L3MBTL3: variants seen among roughly 807,000 people sequenced by gnomAD.
The protein encoded by L3MBTL3 is lethal(3)malignant brain tumor-like protein 3.
A neutral mutation model predicts 102.3 loss-of-function variants in L3MBTL3; 27 were observed. The ratio of observed to expected loss-of-function variants is 0.26; its 90% CI spans 0.19 to 0.36. The LOEUF (loss-of-function observed/expected upper bound fraction) is 0.36. L3MBTL3 is among the 10% of genes least tolerant of loss of function. The probability of loss-of-function intolerance (pLI) is 1.00; values close to 1 mark genes in which losing one functional copy is unlikely to be tolerated. For synonymous variants in L3MBTL3, 340 were observed against 320.9 expected (o/e 1.06, Z -0.64); for missense variants, 798 against 955.3 (o/e 0.84, Z 2.17).
rs112578313 is a variant in L3MBTL3, at chr6:130,052,826, C to T, written c.450-33C>T. 166 of 1,599,766 alleles carry T rather than the reference C, an allele frequency of 1.0e-4. 1 individual carries two copies. The African/African-American group carries it at 1.3e-3, about 12-fold the overall frequency. On this transcript the variant is annotated intron_variant, in intron 6 of 22. Coordinates refer to ENST00000361794, the MANE Select transcript of L3MBTL3 (RefSeq NM_032438.4). ...AGTAGATGTTTGATAGGTATTGTCT[C>T]TTGTCACTATTTTGGGTTTATAAAC...
At chr6:130,018,856 C>T (rs1778732259) in intron 1 of L3MBTL3, among the ~76,000 whole-genome samples, 192 bp downstream of exon 1, 1 of 152,056 alleles carries the variant, frequency 6.6e-6, no homozygotes. Flanking sequence ...TTCTCTGCGC[C>T]TCTGGGAAAG....
chr6:130,108,326 C>T (rs1323383023), intron 19 of L3MBTL3, among the ~76,000 whole-genome samples: 2 of 150,784 alleles, frequency 1.3e-5, no homozygotes, highest in African/African-American at 4.9e-5. Flanking sequence ...CCTCCGCCTC[C>T]CAGGTTCAAG....
intron 15 of L3MBTL3, among the ~76,000 whole-genome samples, chr6:130,084,721 A>C (rs748388629): frequency 1.3e-5 from 2 of 152,206 alleles, no homozygotes; most frequent in Non-Finnish European, 2.9e-5. Context: ...ATCAGCCTAC[A>C]TGTCTACTGT....
At chr6:130,117,462 G>A (rs984273471) in intron 19 of L3MBTL3, among the ~76,000 whole-genome samples, 1 of 152,088 alleles carries the variant, frequency 6.6e-6, no homozygotes, top group Non-Finnish European at 1.5e-5. Context: ...CTGCTCCAGA[G>A]TGTACTGTAA....
intron 2 of L3MBTL3, among the ~76,000 whole-genome samples, chr6:130,028,073 CTT>C (rs67901301): frequency 0.12 from 17,412 of 141,078 alleles, 1,253 homozygotes; most frequent in East Asian, 0.21. Context: ...TTCTGTGTAC[CTT>C]TTTTTTTTTT....
At position 130,068,419 on chromosome 6, in the gene L3MBTL3, A is replaced by G. The variant is rs1782410220; in HGVS notation, c.1090A>G (p.Ile364Val). 3.9e-6 allele frequency: 6 copies of G among 1,545,056 alleles called. No homozygotes were observed. The African/African-American group carries it at 5.4e-5, about 14-fold the overall frequency. The change falls in exon 12 of 23, where the codon ATA becomes GTA. Residue 364 changes from isoleucine (I) to valine (V), a missense_variant and splice_region_variant. This residue lies in a region of L3MBTL3 where 434 missense variants were observed against 506.6 expected (regional missense o/e 0.86). Coordinates refer to ENST00000361794, the MANE Select transcript of L3MBTL3 (RefSeq NM_032438.4). ...APKSLFENQN[I>V]TVIPSGFRVG... ...TAAGTCATTATTTGAAAATCAGAAT[A>G]TAGTAAGTACATACGAAACACGTTT... is the stretch of plus-strand genomic sequence containing the variant.
intron 2 of L3MBTL3, among the ~76,000 whole-genome samples, chr6:130,029,773 G>C (rs1054170234): frequency 9.9e-5 from 15 of 152,102 alleles, no homozygotes; most frequent in Admixed American, 9.2e-4. Flanking sequence ...CTGATAAACT[G>C]GTTCTTGGAG....
Position 130,135,007 on chromosome 6 carries a change from G to A in L3MBTL3, c.2199+1102G>A, listed in dbSNP as rs1459509896. On this transcript the variant is annotated intron_variant, in intron 22 of 22. Transcript: ENST00000361794. ...TTGATCTTTAATTGGCAGTTATTCA[G>A]ATTTTCTTTCCCTAAGTCCTGAGTG... Among the ~76,000 whole-genome samples, 5 of 144,072 alleles carry A rather than the reference G, an allele frequency of 3.5e-5. No homozygotes were observed. The East Asian group carries it at 7.9e-4, about 23-fold the overall frequency. The allele number at this position is 144,072 out of a possible 152,430, so 94.5% of individuals were successfully genotyped here.
intron 20 of L3MBTL3, among the ~76,000 whole-genome samples, chr6:130,131,576 A>G (rs1787044969): frequency 6.6e-6 from 1 of 152,222 alleles, no homozygotes; most frequent in African/African-American, 2.4e-5. Context: ...GTCTCGCGCA[A>G]GAAAGAATTT....
intron 19 of L3MBTL3, among the ~76,000 whole-genome samples, chr6:130,119,491 A>G (rs544375612): frequency 5.3e-5 from 8 of 152,306 alleles, no homozygotes; most frequent in African/African-American, 1.9e-4. Context: ...AATTTTTATC[A>G]ATACTTCAAC....
In L3MBTL3 at chr6:130,092,734, G is replaced by T; in HGVS notation, c.1519-11G>T. The T allele has an allele frequency of 6.5e-7, 1 of 1,548,382 alleles. No individual in the cohort carries two copies. Among genetic ancestry groups the T allele is most frequent in the Non-Finnish European group, 8.9e-7 (1 of 1,120,658 alleles). On this transcript the variant is annotated splice_polypyrimidine_tract_variant and intron_variant, in intron 16 of 22. Transcript: ENST00000361794. ...CTTAATTTGTACTGTTAATGTCCTT[G>T]TGTCATCCAGGTTCACTTTGATGGC...
intron 10 of L3MBTL3, among the ~76,000 whole-genome samples, chr6:130,064,739 C>T (rs745423970): frequency 1.4e-4 from 21 of 152,004 alleles, no homozygotes; most frequent in Non-Finnish European, 2.5e-4. Context: ...TTGAGAAGGA[C>T]GAGCTAGGTA....
At position 130,140,866 on chromosome 6, in the gene L3MBTL3, A is replaced by G. The variant is rs1346228821; in HGVS notation, c.*1113A>G. ...AGTTGACACAAAATTTGAAATGCTC[A>G]CAGATCAGGGAGGTGATTTCCCAAA... On this transcript the variant is annotated 3_prime_UTR_variant, in exon 23 of 23. Transcript: ENST00000361794. 1 of 152,606 alleles carries G rather than the reference A, an allele frequency of 6.6e-6. No individual in the cohort carries two copies. The highest frequency in any genetic ancestry group is 1.5e-5 in the Non-Finnish European group (1 of 68,040). 9.5% of individuals were successfully genotyped at this position (152,606 alleles called of 1,614,324 possible).
chr6:130,101,330 A>G (rs967936961), intron 18 of L3MBTL3, among the ~76,000 whole-genome samples: 9 of 152,326 alleles, frequency 5.9e-5, no homozygotes, highest in African/African-American at 2.2e-4. Flanking sequence ...GTTTTTAAAC[A>G]TATTTATTGT....
In L3MBTL3 at chr6:130,133,360, C is replaced by A; in HGVS notation, c.1967-92C>A. On this transcript the variant is annotated intron_variant, in intron 20 of 22. Transcript: ENST00000361794. The surrounding 1 kb of genome is among the most constrained non-coding windows in gnomAD (Gnocchi z 4.9). The stretch of plus-strand genomic sequence containing the variant: ...AAGGAACCAATGCTTTAACCACTCC[C>A]ACCTCCAGTCTCGTTATCTGGGAGA... 1 of 1,220,184 alleles carries A rather than the reference C, an allele frequency of 8.2e-7. No individual in the cohort carries two copies. The highest frequency in any genetic ancestry group is 1.2e-6 in the Non-Finnish European group (1 of 846,572). 75.6% of individuals were successfully genotyped at this position (1,220,184 alleles called of 1,614,324 possible). A position where few individuals can be genotyped will look rare whatever the true frequency, so the allele number is the denominator to read the frequency against.
chr6:130,037,487 G>A (rs1780134393), intron 2 of L3MBTL3, among the ~76,000 whole-genome samples: 1 of 151,016 alleles, frequency 6.6e-6, no homozygotes, highest in South Asian at 2.1e-4. Flanking sequence ...ATTGCTGGTT[G>A]TTACCTGTTT....
chr6:130,090,205 T>C (rs143958288), intron 16 of L3MBTL3, among the ~76,000 whole-genome samples: 93 of 152,192 alleles, frequency 6.1e-4, no homozygotes, highest in African/African-American at 2.1e-3. Flanking sequence ...CACATATATA[T>C]ATATATACTT....
rs144668168 is a variant in L3MBTL3, at chr6:130,059,491, C to T, written c.760-545C>T. ...TGATTTGCACATACATGCATGTATACTTTCAAATCTTTTGCTATATGCTTT... is the reference window on the plus strand; with the variant it reads ...TGATTTGCACATACATGCATGTATATTTTCAAATCTTTTGCTATATGCTTT... On this transcript the variant is annotated intron_variant, in intron 9 of 22. Coordinates refer to ENST00000361794, the MANE Select transcript of L3MBTL3 (RefSeq NM_032438.4). 1.1e-4 allele frequency among the ~76,000 whole-genome samples: 17 copies of T among 152,310 alleles called. No homozygotes were observed. In the East Asian group the frequency reaches 3.1e-3, roughly 28 times the overall value.
intron 2 of L3MBTL3, among the ~76,000 whole-genome samples, chr6:130,027,156 T>G (rs1301670484): frequency 1.3e-5 from 2 of 152,178 alleles, no homozygotes; most frequent in African/African-American, 4.8e-5. Context: ...CTCTGTTATA[T>G]GAGTTACGGT....
Sources: allele counts gnomAD v4.1 joint callset (sites outside exome capture counted in the v4.1 genomes callset), GRCh38; gene constraint gnomAD v4.1.1; regional missense constraint gnomAD v4.1.1; non-coding constraint Gnocchi (gnomAD v3.1); transcripts MANE v1.5; gene names NCBI Gene and HGNC (gene_info 2026-07-23, HGNC 2026-07-21).